Variants in ERBB4 observed in about 807,000 individuals in gnomAD.
ERBB4 encodes receptor tyrosine-protein kinase erbB-4.
In ERBB4, 42 loss-of-function variants were observed where a neutral mutation model predicts 158.0. The ratio of observed to expected loss-of-function variants is 0.27; its 90% CI spans 0.21 to 0.34. The LOEUF is 0.34. Among genes scored for constraint, ERBB4 ranks in the 10% least tolerant of loss-of-function variants. The probability of loss-of-function intolerance (pLI) is 1.00; values close to 1 mark genes in which losing one functional copy is unlikely to be tolerated. For synonymous variants in ERBB4, 583 were observed against 558.7 expected (o/e 1.04, Z -0.61); for missense variants, 1,333 against 1,624.1 (o/e 0.82, Z 3.08).
chr2:211,439,195 T>G (rs9807978), intron 20 of ERBB4, among the ~76,000 whole-genome samples: 5,381 of 152,294 alleles, frequency 0.035, 323 homozygotes, highest in African/African-American at 0.12. Flanking sequence ...GAAAAATAGC[T>G]ACTTCCTGGA....
At chr2:212,242,018 T>A (rs773147088) in intron 1 of ERBB4, among the ~76,000 whole-genome samples, 1 of 151,966 alleles carries the variant, frequency 6.6e-6, no homozygotes, top group East Asian at 1.9e-4. Context: ...ATAAACATTT[T>A]TATACTAGGA....
intron 1 of ERBB4, among the ~76,000 whole-genome samples, chr2:212,290,348 T>C (rs925844534): frequency 6.6e-5 from 10 of 152,162 alleles, no homozygotes; most frequent in African/African-American, 2.4e-4. Flanking sequence ...CAGTAGTACA[T>C]AGCATTGTGT....
intron 5 of ERBB4, among the ~76,000 whole-genome samples, chr2:211,744,926 G>C (rs1335678395): frequency 1.3e-5 from 2 of 152,184 alleles, no homozygotes; most frequent in African/African-American, 4.8e-5. Context: ...CTTCACTAAA[G>C]TGAATTTATT....
At chr2:211,853,519 T>C (rs536975433) in intron 3 of ERBB4, among the ~76,000 whole-genome samples, 1 of 152,174 alleles carries the variant, frequency 6.6e-6, no homozygotes, top group East Asian at 1.9e-4. Flanking sequence ...TAATTAGTTC[T>C]TGATGACCCA....
chr2:211,542,521 T>C (rs1028394172), intron 20 of ERBB4, among the ~76,000 whole-genome samples: 4 of 151,984 alleles, frequency 2.6e-5, no homozygotes, highest in Non-Finnish European at 5.9e-5. Context: ...TGTGCTAATT[T>C]GGGTGACTAT....
intron 5 of ERBB4, among the ~76,000 whole-genome samples, chr2:211,741,649 T>G (rs2074801920): frequency 6.6e-6 from 1 of 152,114 alleles, no homozygotes; most frequent in African/African-American, 2.4e-5. Flanking sequence ...TTGTCTTGTA[T>G]CTAACCCACA....
intron 2 of ERBB4, among the ~76,000 whole-genome samples, chr2:212,022,625 C>T (rs139265474): frequency 5.0e-4 from 76 of 152,092 alleles, no homozygotes; most frequent in African/African-American, 1.8e-3. Context: ...AGCAAACCAC[C>T]GTAGCACACA....
At chr2:211,859,794 C>T (rs559803006) in intron 3 of ERBB4, among the ~76,000 whole-genome samples, 3 of 152,228 alleles carry the variant, frequency 2.0e-5, no homozygotes, top group African/African-American at 7.2e-5. Context: ...AGGTTATATA[C>T]CCAGAAGTAA....
rs1047722994 is a variant in ERBB4, at chr2:212,446,033, T to C, written c.82+92416A>G. Among the ~76,000 whole-genome samples, 53 of 152,364 alleles carry C rather than the reference T, an allele frequency of 3.5e-4. 1 individual carries two copies. The highest frequency in any genetic ancestry group is 1.3e-3 in the African/African-American group (52 of 41,588). ...TTGACTTCGTATCAGCATTTAAGTA[T>C]TGTTAACTTTATGTAATAGTATTTG... On this transcript the variant is annotated intron_variant, in intron 1 of 27. Coordinates refer to ENST00000342788, the MANE Select transcript of ERBB4 (RefSeq NM_005235.3).
chr2:212,303,478 A>C (rs1433947689), intron 1 of ERBB4, among the ~76,000 whole-genome samples: 1 of 150,788 alleles, frequency 6.6e-6, no homozygotes, highest in Non-Finnish European at 1.5e-5. Context: ...AATCCTGAGA[A>C]CAGACTCTAT....
chr2:212,521,133 A>G lies in ERBB4; in HGVS notation c.82+17316T>C, dbSNP rs367871172. 1.2e-4 allele frequency among the ~76,000 whole-genome samples: 19 copies of G among 152,060 alleles called. 1 individual carries two copies. The highest frequency in any genetic ancestry group is 4.6e-4 in the African/African-American group (19 of 41,548). On this transcript the variant is annotated intron_variant, in intron 1 of 27. Coordinates refer to ENST00000342788, the MANE Select transcript of ERBB4 (RefSeq NM_005235.3). ...TATATTGAAGTTTAAATGCCTATAA[A>G]ATGTAACATAAAAAGTTATCTCATG...
At position 212,217,532 on chromosome 2, in the gene ERBB4, GTC is replaced by G. The variant is rs1403441422; in HGVS notation, c.83-92631_83-92630del. On this transcript the variant is annotated intron_variant, in intron 1 of 27. Transcript: ENST00000342788. ...AGAATTTGTTAGTATAAGAAGCTAT[GTC>G]TCTAGAGGGTAGCCAGGGTAAGGCT... 2.6e-5 allele frequency among the ~76,000 whole-genome samples: 4 copies of G among 151,326 alleles called. No homozygotes were observed. The East Asian group carries it at 7.7e-4, about 29-fold the overall frequency.
intron 5 of ERBB4, among the ~76,000 whole-genome samples, chr2:211,742,803 T>C (rs1450608318): frequency 6.6e-6 from 1 of 152,018 alleles, no homozygotes; most frequent in Non-Finnish European, 1.5e-5. Flanking sequence ...AGTGTAGTAC[T>C]ACCCATATTA....
intron 1 of ERBB4, among the ~76,000 whole-genome samples, chr2:212,399,545 C>CATATAT (rs869111881): frequency 0.035 from 1,320 of 37,270 alleles, 26 homozygotes; most frequent in Middle Eastern, 0.042. Context: ...TTTATATATA[C>CATATAT]ATATATATAT....
At chr2:212,322,564 G>C (rs1244411893) in intron 1 of ERBB4, among the ~76,000 whole-genome samples, 1 of 150,606 alleles carries the variant, frequency 6.6e-6, no homozygotes, top group African/African-American at 2.4e-5. Context: ...TGCATGCCAA[G>C]TAACTGTTGG....
chr2:211,561,782 C>T lies in ERBB4; in HGVS notation c.2487+121G>A, dbSNP rs528014680. ...CCTCTCTGTTATGTATCTTTCATTG[C>T]AGCAAATATACTTTATTTTATTTAA... On this transcript the variant is annotated intron_variant, in intron 20 of 27. Transcript: ENST00000342788. 3 of 879,162 alleles carry T rather than the reference C, an allele frequency of 3.4e-6. No homozygotes were observed. In the African/African-American group the frequency reaches 4.9e-5, roughly 14 times the overall value. The allele number at this position is 879,162 out of a possible 1,614,324, so 54.5% of individuals were successfully genotyped here. A position where few individuals can be genotyped will look rare whatever the true frequency, so the allele number is the denominator to read the frequency against.
rs561963456 is a variant in ERBB4, at chr2:211,619,403, A to G, written c.2203-128T>C. 7.9e-5 allele frequency: 51 copies of G among 648,898 alleles called. 1 individual carries two copies. The highest frequency in any genetic ancestry group is 1.0e-4 in the Non-Finnish European group (38 of 365,144). 40.2% of individuals were successfully genotyped at this position (648,898 alleles called of 1,614,324 possible). A position where few individuals can be genotyped will look rare whatever the true frequency, so the allele number is the denominator to read the frequency against. On this transcript the variant is annotated intron_variant, in intron 18 of 27. Coordinates refer to ENST00000342788, the MANE Select transcript of ERBB4 (RefSeq NM_005235.3). ...TATTTAGCACCTGTTACATGTTACA[A>G]GTTACTCTGCAACTTTGTTGTCTGC...
At chr2:212,244,804 A>T (rs1452543828) in intron 1 of ERBB4, among the ~76,000 whole-genome samples, 13 of 152,100 alleles carry the variant, frequency 8.5e-5, no homozygotes, top group Admixed American at 7.9e-4. Context: ...CCACTTTCTA[A>T]ATATGTGCCT....
At chr2:212,073,765 T>G (rs1286567330) in intron 2 of ERBB4, among the ~76,000 whole-genome samples, 1 of 151,978 alleles carries the variant, frequency 6.6e-6, no homozygotes, top group Non-Finnish European at 1.5e-5. Context: ...CTTGAACAAG[T>G]AAATCAGAAA....
Sources: allele counts gnomAD v4.1 joint callset (sites outside exome capture counted in the v4.1 genomes callset), GRCh38; gene constraint gnomAD v4.1.1; transcripts MANE v1.5; gene names NCBI Gene and HGNC (gene_info 2026-07-23, HGNC 2026-07-21).